L3HYPDH: variants seen among roughly 807,000 people sequenced by gnomAD.
L3HYPDH encodes the protein trans-3-hydroxy-L-proline dehydratase.
A neutral mutation model predicts 26.5 loss-of-function variants in L3HYPDH; 32 were observed. The ratio of observed to expected loss-of-function variants is 1.21; its 90% CI spans 0.91 to 1.62. L3HYPDH has a LOEUF of 1.62. L3HYPDH is among the 40% of genes most tolerant of loss of function. The pLI is 0.00. For missense variants in L3HYPDH, 554 were observed against 476.4 expected (o/e 1.16, Z -1.52); for synonymous variants, 215 against 196.6 (o/e 1.09, Z -0.78).
upstream of L3HYPDH, chr14:59,487,500 C>T (rs1157424622): frequency 7.7e-6 from 4 of 522,178 alleles, no homozygotes; most frequent in Non-Finnish European, 3.4e-6. Flanking sequence ...AAATATAGCA[C>T]ATACAATATA....
At chr14:59,494,627 A>G in the L3HYPDH span, among the ~76,000 whole-genome samples, 1 of 152,226 alleles carries the variant, frequency 6.6e-6, no homozygotes, top group Non-Finnish European at 1.5e-5. Context: ...ACAAAGATGT[A>G]GTTACAAATT....
chr14:59,484,702 A>C (rs1890376915), upstream of L3HYPDH: 7 of 1,368,978 alleles, frequency 5.1e-6, no homozygotes, highest in African/African-American at 2.9e-5. Flanking sequence ...TTGGCGGCGC[A>C]GGCTCGCCCC....
chr14:59,492,222 T>C, the L3HYPDH span, among the ~76,000 whole-genome samples: 12 of 151,962 alleles, frequency 7.9e-5, no homozygotes, highest in Non-Finnish European at 1.6e-4. Context: ...AAAAGGAAAC[T>C]TTTAGAAATG....
At position 59,484,363 on chromosome 14, in the gene L3HYPDH, A is replaced by G. The variant is rs1372441275; in HGVS notation, c.-47T>C. On this transcript the variant is annotated 5_prime_UTR_variant, in exon 1 of 5. Transcript: ENST00000247194. ...GTACGGTCCCGCAGCTATGGCTTCAAGCCCGACCCTCACCCACTGACTCCG... is the reference window on the plus strand; with the variant it reads ...GTACGGTCCCGCAGCTATGGCTTCAGGCCCGACCCTCACCCACTGACTCCG... The G allele has an allele frequency of 2.6e-6, 4 of 1,530,290 alleles. No individual in the cohort carries two copies. The highest frequency in any genetic ancestry group is 1.2e-5 in the South Asian group (1 of 82,528). 94.8% of individuals were successfully genotyped at this position (1,530,290 alleles called of 1,614,324 possible).
chr14:59,470,955 C>CGGGGGGGGGGGGGG (rs57974393), downstream of L3HYPDH, among the ~76,000 whole-genome samples: 1 of 56,098 alleles, frequency 1.8e-5, no homozygotes, highest in African/African-American at 7.5e-5. Context: ...TGGCTGGGGG[C>CGGGGGGGGGGGGGG]GGGGGGGGGG....
At chr14:59,468,737 A>G (rs1321672733), downstream of L3HYPDH, among the ~76,000 whole-genome samples, 2 of 152,206 alleles carry the variant, frequency 1.3e-5, no homozygotes, top group Non-Finnish European at 2.9e-5. Flanking sequence ...ACTGCTATAC[A>G]AATGCCAACA....
chr14:59,483,736 GAAAAA>G, intron 1 of L3HYPDH, 68 bp downstream of exon 1: 1 of 1,541,314 alleles, frequency 6.5e-7, no homozygotes, highest in Non-Finnish European at 8.7e-7. Context: ...TTCCAGCCCA[GAAAAA>G]CCGTTAATGT....
At chr14:59,494,439 GA>G in the L3HYPDH span, among the ~76,000 whole-genome samples, 5 of 151,764 alleles carry the variant, frequency 3.3e-5, no homozygotes, top group African/African-American at 1.2e-4. Flanking sequence ...ATTTTGAGTA[GA>G]AAAAAAATCT....
rs757464201 is a variant in L3HYPDH at position 59,484,071 on chromosome 14, C to T, written c.246G>A (p.Pro82=). 1.9e-6 allele frequency: 3 copies of T among 1,606,966 alleles called. No homozygotes were observed. Among genetic ancestry groups the T allele is most frequent in the African/African-American group, 2.7e-5 (2 of 74,916 alleles). ...HRDMYGAVLV[P]SELPDAHLGV... is the part of the protein sequence containing the mutation. Reference sequence around the variant, plus strand: ...CCAGATGCGCGTCCGGCAGCTCGCTCGGGACTAGGACCGCCCCGTACATGT... The same window carrying T: ...CCAGATGCGCGTCCGGCAGCTCGCTTGGGACTAGGACCGCCCCGTACATGT... Residue 82 remains proline, a synonymous_variant, in exon 1 of 5, where the codon CCG becomes CCA. Coordinates refer to ENST00000247194, the MANE Select transcript of L3HYPDH (RefSeq NM_144581.2).
chr14:59,476,225 C>CA lies in L3HYPDH; in HGVS notation c.679-12dup. 1 of 1,497,960 alleles carries CA rather than the reference C, an allele frequency of 6.7e-7. No individual in the cohort carries two copies. Among genetic ancestry groups the CA allele is most frequent in the Non-Finnish European group, 8.9e-7 (1 of 1,125,252 alleles). 92.8% of individuals were successfully genotyped at this position (1,497,960 alleles called of 1,614,324 possible). A position where few individuals can be genotyped will look rare whatever the true frequency, so the allele number is the denominator to read the frequency against. On this transcript the variant is annotated splice_polypyrimidine_tract_variant and intron_variant, in intron 2 of 4. Coordinates refer to ENST00000247194, the MANE Select transcript of L3HYPDH (RefSeq NM_144581.2). The stretch of plus-strand genomic sequence containing the variant: ...ATGATTAATTTTAAACTGCAAGTAA[C>CA]AAAAAAAGATCACATGCAAAATAAA...
chr14:59,493,227 A>G, the L3HYPDH span, among the ~76,000 whole-genome samples: 1 of 152,230 alleles, frequency 6.6e-6, no homozygotes, highest in East Asian at 1.9e-4. Flanking sequence ...TGCATGCATC[A>G]TAATTAAACT....
Position 59,472,892 on chromosome 14 carries a change from T to C in L3HYPDH, c.*73A>G, listed in dbSNP as rs947224009. 15 of 1,324,226 alleles carry C rather than the reference T, an allele frequency of 1.1e-5. No individual in the cohort carries two copies. In the Admixed American group the frequency reaches 2.1e-4, roughly 18 times the overall value. 82.0% of individuals were successfully genotyped at this position (1,324,226 alleles called of 1,614,324 possible). A position where few individuals can be genotyped will look rare whatever the true frequency, so the allele number is the denominator to read the frequency against. On this transcript the variant is annotated 3_prime_UTR_variant, in exon 5 of 5. Transcript: ENST00000247194. ...TATATGTATAATTTATTTGTTTTCA[T>C]ATAATTTAGAGAAAACAGTCCTTAA...
chr14:59,499,171 G>A, the L3HYPDH span, among the ~76,000 whole-genome samples: 1 of 151,338 alleles, frequency 6.6e-6, no homozygotes, highest in Non-Finnish European at 1.5e-5. Flanking sequence ...CTACAGGCAT[G>A]TGCCACCACA....
At position 59,484,296 on chromosome 14, in the gene L3HYPDH, C is replaced by T. The variant is rs563289902; in HGVS notation, c.21G>A (p.Val7=). 9 of 1,590,948 alleles carry T rather than the reference C, an allele frequency of 5.7e-6. No individual in the cohort carries two copies. Among genetic ancestry groups the T allele is most frequent in the Admixed American group, 1.7e-5 (1 of 59,608 alleles). The part of the protein sequence containing the change: MESALA[V]PRLPPHDPGT... ...CTGGATCATGCGGGGGCAGCCGGGGCACCGCCAGCGCGCTCTCCATGGTCT... is the reference window on the plus strand; with the variant it reads ...CTGGATCATGCGGGGGCAGCCGGGGTACCGCCAGCGCGCTCTCCATGGTCT... The change falls in exon 1 of 5, where the codon GTG becomes GTA. Residue 7 remains valine, a synonymous_variant. Coordinates refer to ENST00000247194, the MANE Select transcript of L3HYPDH (RefSeq NM_144581.2).
chr14:59,495,612 T>C, the L3HYPDH span, among the ~76,000 whole-genome samples: 10 of 152,220 alleles, frequency 6.6e-5, no homozygotes, highest in African/African-American at 2.4e-4. Flanking sequence ...AAATTCTGTA[T>C]GCAATTATGC....
chr14:59,484,422 C>T (rs1012291573), upstream of L3HYPDH: 40 of 1,371,074 alleles, frequency 2.9e-5, no homozygotes, highest in African/African-American at 3.9e-4. Context: ...CAGCCACGTC[C>T]GGGGGGCGGG....
upstream of L3HYPDH, chr14:59,484,672 T>C (rs1220731242): frequency 1.3e-6 from 2 of 1,508,522 alleles, no homozygotes; most frequent in East Asian, 4.9e-5. Context: ...CGGGCTCGGC[T>C]CTTTGTAGGC....
the L3HYPDH span, chr14:59,495,370 GCCT>G: frequency 1.7e-6 from 1 of 601,808 alleles, no homozygotes; most frequent in Non-Finnish European, 3.0e-6. Flanking sequence ...CATGTAAACA[GCCT>G]CTTGTAACTT....
downstream of L3HYPDH, among the ~76,000 whole-genome samples, chr14:59,468,427 T>C (rs924982156): frequency 1.4e-4 from 21 of 151,814 alleles, no homozygotes; most frequent in African/African-American, 5.1e-4. Context: ...TTGCACTTGC[T>C]ATCCCCTCTG....
Sources: gnomAD v4.1 joint callset for allele counts (sites outside exome capture counted in the v4.1 genomes callset) on GRCh38, gnomAD v4.1.1 for gene constraint, MANE v1.5 for transcripts, NCBI Gene and HGNC (gene_info 2026-07-23, HGNC 2026-07-21) for gene names.